The following UNC13C variants were observed in gnomAD, a reference collection of about 807,000 sequenced individuals.
The protein encoded by UNC13C is protein unc-13 homolog C.
UNC13C carries 174 observed loss-of-function variants against 245.4 expected under a neutral mutation model. The observed-to-expected ratio is 0.71, with a 90% CI of 0.63 to 0.80. The LOEUF (loss-of-function observed/expected upper bound fraction) is 0.80. Among genes scored for constraint, UNC13C ranks in the 30% least tolerant of loss-of-function variants. UNC13C has a pLI of 0.00. For missense variants in UNC13C, 2,829 were observed against 2,602.9 expected (o/e 1.09, Z -1.89); for synonymous variants, 992 against 895.1 (o/e 1.11, Z -1.93).
At chr15:53,982,861 A>G (rs1893979949) in intron 1 of UNC13C, among the ~76,000 whole-genome samples, 1 of 152,054 alleles carries the variant, frequency 6.6e-6, no homozygotes, top group Non-Finnish European at 1.5e-5. Flanking sequence ...CACTGTGCAG[A>G]CTCTGTAGGC....
the UNC13C span, among the ~76,000 whole-genome samples, chr15:53,972,024 G>T: frequency 1.3e-5 from 2 of 152,136 alleles, no homozygotes; most frequent in African/African-American, 4.8e-5. Flanking sequence ...TGGGTTCATT[G>T]TCTTGACTTC....
At chr15:54,472,664 G>T (rs1224427489) in intron 19 of UNC13C, among the ~76,000 whole-genome samples, 13 of 151,910 alleles carry the variant, frequency 8.6e-5, no homozygotes, top group African/African-American at 3.1e-4. Context: ...GCAATGTATA[G>T]TATTATTGGT....
At chr15:54,376,625 G>A (rs563831926) in intron 17 of UNC13C, among the ~76,000 whole-genome samples, 9 of 152,176 alleles carry the variant, frequency 5.9e-5, no homozygotes, top group Non-Finnish European at 1.2e-4. Context: ...CTCGAAGGTA[G>A]TTTATTTGAG....
chr15:54,563,073 A>G (rs1401575743), intron 29 of UNC13C, among the ~76,000 whole-genome samples: 2 of 151,986 alleles, frequency 1.3e-5, no homozygotes, highest in Non-Finnish European at 2.9e-5. Context: ...CCTATTCTGT[A>G]CTTTGTGGTA....
chr15:54,003,281 G>T (rs1370044514), intron 1 of UNC13C, among the ~76,000 whole-genome samples: 1 of 152,194 alleles, frequency 6.6e-6, no homozygotes, highest in African/African-American at 2.4e-5. Flanking sequence ...TCTTTGAAAT[G>T]TTAGAATTCT....
At chr15:54,588,811 T>A (rs1898620351) in intron 30 of UNC13C, among the ~76,000 whole-genome samples, 1 of 152,216 alleles carries the variant, frequency 6.6e-6, no homozygotes, top group Non-Finnish European at 1.5e-5. Flanking sequence ...GCAAACGCTG[T>A]TAATTCATTC....
chr15:54,329,318 T>C (rs570559020), intron 14 of UNC13C, among the ~76,000 whole-genome samples: 26 of 152,092 alleles, frequency 1.7e-4, no homozygotes, highest in Non-Finnish European at 3.1e-4. Context: ...TATTTTGAAA[T>C]ACACAACCAA....
chr15:53,875,797 T>C, the UNC13C span, among the ~76,000 whole-genome samples: 2 of 152,224 alleles, frequency 1.3e-5, no homozygotes, highest in Non-Finnish European at 2.9e-5. Context: ...TGGCATTCTT[T>C]ACTCAAGCAC....
At chr15:54,289,747 G>A (rs1259783867) in intron 10 of UNC13C, among the ~76,000 whole-genome samples, 5 of 151,848 alleles carry the variant, frequency 3.3e-5, no homozygotes, top group Non-Finnish European at 5.9e-5. Flanking sequence ...TTTGCCCCTC[G>A]GGACTAAATA....
chr15:54,446,300 T>C (rs529879602), intron 19 of UNC13C, among the ~76,000 whole-genome samples: 115 of 152,332 alleles, frequency 7.5e-4, no homozygotes, highest in East Asian at 5.2e-3. Context: ...CCATACGAAC[T>C]TTAAAGTAAT....
chr15:54,147,471 G>A (rs1005748772), intron 4 of UNC13C, among the ~76,000 whole-genome samples: 6 of 152,096 alleles, frequency 3.9e-5, no homozygotes, highest in South Asian at 2.1e-4. Flanking sequence ...TGCCTGCCTC[G>A]GCCTCCCAAA....
chr15:54,543,178 T>C (rs755269441), intron 26 of UNC13C, among the ~76,000 whole-genome samples: 10 of 152,156 alleles, frequency 6.6e-5, no homozygotes, highest in East Asian at 1.9e-4. Context: ...TTGGGAGCTC[T>C]TGTAAGGCAG....
At chr15:54,371,237 A>C (rs970402192) in intron 17 of UNC13C, among the ~76,000 whole-genome samples, 5 of 152,130 alleles carry the variant, frequency 3.3e-5, no homozygotes, top group African/African-American at 1.2e-4. Context: ...TCGGCTTCTA[A>C]GAGATCAACT....
chr15:54,303,185 T>G (rs2140950544), intron 13 of UNC13C, among the ~76,000 whole-genome samples: 1 of 152,260 alleles, frequency 6.6e-6, no homozygotes, highest in East Asian at 1.9e-4. Context: ...TGGAGGGAAC[T>G]TGTTTTATAA....
chr15:53,940,671 C>A, the UNC13C span, among the ~76,000 whole-genome samples: 8 of 152,034 alleles, frequency 5.3e-5, no homozygotes, highest in Non-Finnish European at 1.0e-4. Context: ...TATACACCAA[C>A]AACAGACAAG....
chr15:54,183,862 G>A (rs1255597453), intron 4 of UNC13C, among the ~76,000 whole-genome samples: 1 of 151,324 alleles, frequency 6.6e-6, no homozygotes, highest in Non-Finnish European at 1.5e-5. Flanking sequence ...GGAACAATTT[G>A]TTTTACTAGT....
At chr15:53,892,162 T>C in the UNC13C span, among the ~76,000 whole-genome samples, 1 of 152,238 alleles carries the variant, frequency 6.6e-6, no homozygotes, top group Non-Finnish European at 1.5e-5. Flanking sequence ...TATGAAATTC[T>C]GGGTTGAAAA....
intron 2 of UNC13C, among the ~76,000 whole-genome samples, chr15:54,081,992 C>A (rs1898967995): frequency 6.6e-6 from 1 of 152,124 alleles, no homozygotes; most frequent in African/African-American, 2.4e-5. Flanking sequence ...GTTATGAATT[C>A]CCTTAGCATT....
At chr15:54,555,638 A>G in intron 29 of UNC13C, 126 bp downstream of exon 29, 1 of 698,866 alleles carries the variant, frequency 1.4e-6, no homozygotes, top group Non-Finnish European at 2.4e-6. Context: ...AGATAGTTGA[A>G]TAGATATAGG....
Sources: gnomAD v4.1 joint callset for allele counts (sites outside exome capture counted in the v4.1 genomes callset) on GRCh38, gnomAD v4.1.1 for gene constraint, MANE v1.5 for transcripts, NCBI Gene and HGNC (gene_info 2026-07-23, HGNC 2026-07-21) for gene names.